The following SH2D3A variants were observed in gnomAD, a reference collection of about 807,000 sequenced individuals.
SH2D3A encodes SH2 domain containing 3A, also known as SH2 domain-containing protein 3A.
Under a neutral mutation model 50.6 loss-of-function variants are expected in SH2D3A, and 46 were observed. The ratio of observed to expected loss-of-function variants is 0.91; its 90% confidence interval spans 0.72 to 1.16. The LOEUF is 1.16. SH2D3A is among the 50% of genes most tolerant of loss of function. SH2D3A has a pLI of 0.00. For synonymous variants in SH2D3A, 377 were observed against 348.4 expected, an observed-to-expected ratio of 1.08 and a Z score of -0.91; for missense variants, 783 against 786.2, an observed-to-expected ratio of 1.00 and a Z score of 0.05.
intron 4 of SH2D3A, among the ~76,000 whole-genome samples, chr19:6,756,062 C>A (rs1156778277): frequency 1.4e-5 from 2 of 147,590 alleles, no homozygotes; most frequent in African/African-American, 5.0e-5. Context: ...CAGAGTAAGA[C>A]CCTGTCTCAA....
intron 3 of SH2D3A, among the ~76,000 whole-genome samples, chr19:6,760,105 T>C (rs1206257911): frequency 6.6e-6 from 1 of 152,064 alleles, no homozygotes; most frequent in Admixed American, 6.6e-5. Context: ...CCAGGCGTGG[T>C]GGCTCATGCC....
intron 3 of SH2D3A, 86 bp from the exon 4 acceptor site, chr19:6,759,756 T>A: frequency 1.5e-6 from 2 of 1,355,970 alleles, no homozygotes; most frequent in Non-Finnish European, 2.1e-6. Context: ...GTCCAGTTAC[T>A]CTGTACCAGT....
intron 9 of SH2D3A, chr19:6,753,080 G>T: frequency 3.0e-6 from 3 of 985,320 alleles, no homozygotes; most frequent in Non-Finnish European, 3.6e-6. Context: ...CGGGGAAGGT[G>T]GGGGGATCTT....
intron 2 of SH2D3A, 161 bp from the exon 3 acceptor site, chr19:6,761,148 C>G (rs550427332): frequency 4.2e-5 from 26 of 621,438 alleles, no homozygotes; most frequent in Admixed American, 3.0e-4. Context: ...GTTCTGTCCC[C>G]CTTTCTCCTG....
At chr19:6,764,655 C>T (rs948900624) in intron 1 of SH2D3A, among the ~76,000 whole-genome samples, 1 of 151,760 alleles carries the variant, frequency 6.6e-6, no homozygotes, top group African/African-American at 2.4e-5. Flanking sequence ...GAGTGCTAGA[C>T]AAAAAAACTA....
In SH2D3A at chr19:6,759,622, C is replaced by A. The variant is rs748752921; in HGVS notation, c.468G>T (p.Gly156=). 3.7e-6 allele frequency: 6 copies of A among 1,613,992 alleles called. No individual in the cohort carries two copies. The Admixed American group carries it at 6.7e-5, about 18-fold the overall frequency. ...TCCCAGCGGGGTCTTCTCTTGACCGCCCCATATGTGCCAAATCTGCAGGCT... is the reference window on the plus strand; with the variant it reads ...TCCCAGCGGGGTCTTCTCTTGACCGACCCATATGTGCCAAATCTGCAGGCT... ...NSQPADLAHM[G]RSREDPAGME... The change falls in exon 4 of 10, where the codon GGG becomes GGT. Residue 156 remains glycine, a synonymous_variant. Coordinates refer to ENST00000245908, the MANE Select transcript of SH2D3A (RefSeq NM_005490.3).
intron 4 of SH2D3A, chr19:6,759,117 CTT>C (rs573267885): frequency 4.2e-4 from 63 of 150,504 alleles, no homozygotes; most frequent in Middle Eastern, 3.1e-3. Context: ...ATTGTAAACA[CTT>C]TTTTTTTTTT....
In SH2D3A at chr19:6,763,949, A is replaced by G. The variant is rs529798673; in HGVS notation, c.-68-133T>C. On this transcript the variant is annotated intron_variant, in intron 1 of 9. Transcript: ENST00000245908. ...TTTTTTTGAGACAGAGTCTCATTCT[A>G]TCACCCAGGCTGGAGTGCAATGGTG... 112 of 313,788 alleles carry G rather than the reference A, an allele frequency of 3.6e-4. 1 individual carries two copies. Among genetic ancestry groups the G allele is most frequent in the African/African-American group, 3.0e-3 (102 of 33,490 alleles). The allele number at this position is 313,788 out of a possible 1,614,324, so 19.4% of individuals were successfully genotyped here. A position where few individuals can be genotyped will look rare whatever the true frequency, so the allele number is the denominator to read the frequency against.
In SH2D3A at chr19:6,761,594, C is replaced by G. The variant is rs183577860; in HGVS notation, c.70-607G>C. ...TAGCTGGATGCTTCCAGATTGGGGC[C>G]CCCTCTTTTATAAACATTTGCAAGC... On this transcript the variant is annotated intron_variant, in intron 2 of 9. Coordinates refer to ENST00000245908, the MANE Select transcript of SH2D3A (RefSeq NM_005490.3). Among the ~76,000 whole-genome samples, 285 of 152,212 alleles carry G rather than the reference C, an allele frequency of 1.9e-3. 1 individual carries two copies. Among genetic ancestry groups the G allele is most frequent in the Non-Finnish European group, 3.0e-3 (203 of 68,010 alleles).
intron 8 of SH2D3A, 133 bp from the exon 9 acceptor site, chr19:6,753,774 C>A (rs1383851159): frequency 9.7e-7 from 1 of 1,034,668 alleles, no homozygotes; most frequent in Non-Finnish European, 1.3e-6. Flanking sequence ...GGGCCAGGAC[C>A]ACACGCCCCG....
rs1272301408 is a variant in SH2D3A, at chr19:6,752,692, G to C, written c.1632C>G (p.Leu544=). 1 of 1,552,820 alleles carries C rather than the reference G, an allele frequency of 6.4e-7. No homozygotes were observed. The highest frequency in any genetic ancestry group is 2.4e-5 in the East Asian group (1 of 41,214). The change falls in exon 10 of 10, where the codon CTC becomes CTG. Residue 544 remains leucine, a synonymous_variant. Transcript: ENST00000245908. ...GAGCTCCCGCGCCCCGGCTACCCCA[G>C]AGCAGCCTCCGCACGAAGCCGGTGG... ...ALTTGFVRRL[L]WGSRGAGAPR...
At chr19:6,758,343 G>C (rs1969813951) in intron 4 of SH2D3A, 1 of 152,774 alleles carries the variant, frequency 6.5e-6, no homozygotes, top group Non-Finnish European at 1.5e-5. Flanking sequence ...GTCCAGGCTG[G>C]AGTGCAGTGG....
chr19:6,762,744 C>G (rs914735597), intron 2 of SH2D3A, among the ~76,000 whole-genome samples: 27 of 148,008 alleles, frequency 1.8e-4, no homozygotes, highest in African/African-American at 6.5e-4. Context: ...GTTTGGAACT[C>G]CTGACCTCAA....
chr19:6,757,983 T>TA, intron 4 of SH2D3A: 2 of 152,084 alleles, frequency 1.3e-5, no homozygotes, highest in African/African-American at 4.8e-5. Context: ...AAAATTGCAA[T>TA]ATACATCTCC....
intron 6 of SH2D3A, 30 bp from the exon 7 acceptor site, chr19:6,754,455 G>A: frequency 6.5e-7 from 1 of 1,530,304 alleles, no homozygotes; most frequent in Non-Finnish European, 8.7e-7. Flanking sequence ...GGGTCTGGGG[G>A]AAGTGGGGAG....
chr19:6,763,385 G>C (rs1212314229), intron 2 of SH2D3A, among the ~76,000 whole-genome samples: 2 of 152,120 alleles, frequency 1.3e-5, no homozygotes, highest in Non-Finnish European at 2.9e-5. Context: ...CATTTAGAGG[G>C]AAATACCAGG....
At chr19:6,765,377 G>C (rs1355002600) in intron 1 of SH2D3A, among the ~76,000 whole-genome samples, 20 of 152,040 alleles carry the variant, frequency 1.3e-4, no homozygotes, top group Non-Finnish European at 2.9e-4. Context: ...AACATCCATG[G>C]CTTCTCGGCA....
At chr19:6,766,122 G>T (rs1326106541) in intron 1 of SH2D3A, among the ~76,000 whole-genome samples, 1 of 152,208 alleles carries the variant, frequency 6.6e-6, no homozygotes, top group African/African-American at 2.4e-5. Flanking sequence ...GCCCTAGGTG[G>T]CTTTAGGGGA....
In SH2D3A at chr19:6,754,378, G is replaced by C; in HGVS notation, c.1145C>G (p.Ser382Trp). Residue 382 changes from serine to tryptophan, a missense_variant, in exon 7 of 10, where the codon TCG becomes TGG. By Grantham distance (177) the Ser-to-Trp change is radical. Coordinates refer to ENST00000245908, the MANE Select transcript of SH2D3A (RefSeq NM_005490.3). ...GGCTGCGCGCTCCTCCAGCGGCCCC[G>C]AGCAGCCCAGCACCGCCAGCGCCCC... is the stretch of plus-strand genomic sequence containing the variant. The part of the protein sequence containing the change: ...LAGALAVLGC[S>W]GPLEERAAAL... 2 of 1,553,746 alleles carry C rather than the reference G, an allele frequency of 1.3e-6. No individual in the cohort carries two copies. Among genetic ancestry groups the C allele is most frequent in the Non-Finnish European group, 1.7e-6 (2 of 1,158,354 alleles).
Sources: gnomAD v4.1 joint callset for allele counts (sites outside exome capture counted in the v4.1 genomes callset) on GRCh38, gnomAD v4.1.1 for gene constraint, MANE v1.5 for transcripts, NCBI Gene and HGNC (gene_info 2026-07-23, HGNC 2026-07-21) for gene names.